EFHC1: variants seen among roughly 807,000 people sequenced by gnomAD.
EFHC1 encodes EF-hand domain containing 1, also known as EF-hand domain-containing protein 1.
Under a neutral mutation model 69.9 loss-of-function variants are expected in EFHC1, and 53 were observed. The observed-to-expected ratio is 0.76, with a 90% CI of 0.61 to 0.95. EFHC1 has a LOEUF of 0.95. EFHC1 is among the 40% of genes least tolerant of loss of function. The pLI is 0.00. For synonymous variants in EFHC1, 256 were observed against 278.4 expected, an observed-to-expected ratio of 0.92 and a Z score of 0.80; for missense variants, 739 against 798.7, an observed-to-expected ratio of 0.93 and a Z score of 0.90.
rs147712999 is a variant in EFHC1, at chr6:52,452,483, G to A, written c.574-205G>A. On this transcript the variant is annotated intron_variant, in intron 3 of 10. Coordinates refer to ENST00000371068, the MANE Select transcript of EFHC1 (RefSeq NM_018100.4). The stretch of plus-strand genomic sequence containing the variant: ...ACCAGTCTAACTTTTAAATGTTTTT[G>A]TAGAAACAGGGTCTCACTATGTTGC... Among the ~76,000 whole-genome samples the A allele has an allele frequency of 9.1e-3, 1,379 of 152,160 alleles. 12 individuals carry two copies. The highest frequency in any genetic ancestry group is 0.014 in the Non-Finnish European group (936 of 67,990).
At chr6:52,423,200 GAGGGAC>G (rs772733616) in intron 1 of EFHC1, among the ~76,000 whole-genome samples, 9 of 152,200 alleles carry the variant, frequency 5.9e-5, no homozygotes, top group Non-Finnish European at 1.3e-4. Flanking sequence ...ATTGTGACAA[GAGGGAC>G]AGGTAAAAAT....
chr6:52,446,209 G>A (rs1235144363), intron 3 of EFHC1, among the ~76,000 whole-genome samples: 1 of 152,162 alleles, frequency 6.6e-6, no homozygotes, highest in Non-Finnish European at 1.5e-5. Flanking sequence ...CTCTTTGTAT[G>A]TCACTAAGGA....
At chr6:52,449,426 T>C (rs918097204) in intron 3 of EFHC1, among the ~76,000 whole-genome samples, 1 of 152,026 alleles carries the variant, frequency 6.6e-6, no homozygotes, top group Admixed American at 6.6e-5. Context: ...GTATATCTGA[T>C]AGAATTCAGC....
intron 3 of EFHC1, among the ~76,000 whole-genome samples, chr6:52,442,931 A>G (rs1195828934): frequency 1.3e-5 from 2 of 152,196 alleles, no homozygotes; most frequent in South Asian, 2.1e-4. Flanking sequence ...AAGCATTCCT[A>G]TTTCTCCACA....
At chr6:52,442,482 T>C (rs932981752) in intron 3 of EFHC1, among the ~76,000 whole-genome samples, 3 of 151,780 alleles carry the variant, frequency 2.0e-5, no homozygotes, top group Non-Finnish European at 4.4e-5. Flanking sequence ...TATGTGATGT[T>C]CCCCACCCTG....
At chr6:52,437,811 C>A (rs1003049764) in intron 2 of EFHC1, 1 of 168,416 alleles carries the variant, frequency 5.9e-6, no homozygotes, top group East Asian at 1.7e-4. Flanking sequence ...ACCTTAATTA[C>A]CTCCTAAGGA....
chr6:52,481,063 T>C (rs1394754280), intron 9 of EFHC1, among the ~76,000 whole-genome samples: 1 of 152,154 alleles, frequency 6.6e-6, no homozygotes, highest in Non-Finnish European at 1.5e-5. Context: ...GTTAAGAGAC[T>C]ATTGCAGTAT....
chr6:52,490,502 G>A lies in EFHC1; in HGVS notation c.1851+152G>A, dbSNP rs1274031622. ...ATTCTGTCCTGATTAGGTATTGCCC[G>A]TTGATTCTAGCATTGGTATTCTTTT... On this transcript the variant is annotated intron_variant, in intron 10 of 10. Coordinates refer to ENST00000371068, the MANE Select transcript of EFHC1 (RefSeq NM_018100.4). 4.6e-5 allele frequency: 31 copies of A among 674,194 alleles called. No homozygotes were observed. In the East Asian group the frequency reaches 7.0e-4, roughly 15 times the overall value. 41.8% of individuals were successfully genotyped at this position (674,194 alleles called of 1,614,324 possible).
rs864309610 is a variant in EFHC1, at chr6:52,438,445, A to G, written c.427A>G (p.Ile143Val). ...VIEPVVENSG[I>V]LQGKLIKRQR... Reference sequence around the variant, plus strand: ...AGAGCCTGTTGTAGAAAATTCTGGAATCCTTCAAGGCAAGTTAATAAAACG... The same window carrying G: ...AGAGCCTGTTGTAGAAAATTCTGGAGTCCTTCAAGGCAAGTTAATAAAACG... The change falls in exon 3 of 11, where the codon ATC becomes GTC. Residue 143 changes from isoleucine (I) to valine (V), a missense_variant. Coordinates refer to ENST00000371068, the MANE Select transcript of EFHC1 (RefSeq NM_018100.4). The G allele has an allele frequency of 3.7e-6, 6 of 1,614,116 alleles. No homozygotes were observed. The highest frequency in any genetic ancestry group is 3.3e-4 in the Middle Eastern group (2 of 6,060).
chr6:52,466,309 C>A (rs572030253), intron 6 of EFHC1, among the ~76,000 whole-genome samples: 11 of 152,166 alleles, frequency 7.2e-5, no homozygotes, highest in African/African-American at 2.7e-4. Flanking sequence ...GGCCTCCAGT[C>A]GTACTGAGTT....
intron 5 of EFHC1, 35 bp from the exon 6 acceptor site, chr6:52,464,860 C>G (rs1299926582): frequency 6.3e-7 from 1 of 1,582,856 alleles, no homozygotes; most frequent in Non-Finnish European, 8.7e-7. Context: ...ACACTCATTC[C>G]TTCTTTTTTT....
chr6:52,471,618 C>T (rs1202943401), intron 7 of EFHC1, among the ~76,000 whole-genome samples: 1 of 152,124 alleles, frequency 6.6e-6, no homozygotes, highest in African/African-American at 2.4e-5. Flanking sequence ...GTAATCCCAA[C>T]ACTTTGGGAG....
At chr6:52,454,474 A>G (rs567420611) in intron 5 of EFHC1, among the ~76,000 whole-genome samples, 187 bp downstream of exon 5, 2 of 152,294 alleles carry the variant, frequency 1.3e-5, no homozygotes, top group Non-Finnish European at 2.9e-5. Context: ...TGCCCCCAAG[A>G]CAGTCTGGTA....
intron 5 of EFHC1, among the ~76,000 whole-genome samples, chr6:52,460,301 T>C (rs1465988058): frequency 6.6e-6 from 1 of 152,200 alleles, no homozygotes; most frequent in Non-Finnish European, 1.5e-5. Context: ...TATAATTCCA[T>C]TGGTGTAAAA....
intron 9 of EFHC1, among the ~76,000 whole-genome samples, chr6:52,489,721 T>A (rs923253487): frequency 7.2e-5 from 11 of 152,354 alleles, no homozygotes; most frequent in Admixed American, 6.5e-4. Context: ...TGGCTACAGA[T>A]CTATAGCTAT....
In EFHC1 at chr6:52,438,562, C is replaced by A. The variant is rs200191497; in HGVS notation, c.544C>A (p.Arg182Ser). The change falls in exon 3 of 11, where the codon CGC becomes AGC. Residue 182 changes from arginine (R) to serine (S), a missense_variant. Arg to Ser is a moderately radical substitution (Grantham distance 110, BLOSUM62 -1). Coordinates refer to ENST00000371068, the MANE Select transcript of EFHC1 (RefSeq NM_018100.4). ...INITIYGKTF[R>S]VVDCDQFTQV... Reference sequence around the variant, plus strand: ...CATCACAATTTATGGCAAAACTTTCCGCGTTGTTGACTGTGACCAATTCAC... The same window carrying A: ...CATCACAATTTATGGCAAAACTTTCAGCGTTGTTGACTGTGACCAATTCAC... 6.2e-7 allele frequency: 1 copy of A among 1,613,830 alleles called. No individual in the cohort carries two copies. The highest frequency in any genetic ancestry group is 1.3e-5 in the African/African-American group (1 of 74,872).
intron 5 of EFHC1, among the ~76,000 whole-genome samples, chr6:52,461,538 C>T (rs1581835959): frequency 1.3e-5 from 2 of 151,972 alleles, no homozygotes; most frequent in South Asian, 4.2e-4. Context: ...CATACACTTG[C>T]GTTTCTTTAT....
In EFHC1 at chr6:52,495,854, C is replaced by T. The variant is rs1028528521; in HGVS notation, c.*3513C>T. On this transcript the variant is annotated 3_prime_UTR_variant, in exon 11 of 11. Coordinates refer to ENST00000371068, the MANE Select transcript of EFHC1 (RefSeq NM_018100.4). The stretch of plus-strand genomic sequence containing the variant: ...TTAAGACTGAGAAGCTGAGATCTGA[C>T]AGCACCAACACAAGGTATAAAAGAG... 6.7e-5 allele frequency: 23 copies of T among 343,698 alleles called. No individual in the cohort carries two copies. Among genetic ancestry groups the T allele is most frequent in the African/African-American group, 4.9e-4 (23 of 46,716 alleles). 21.3% of individuals were successfully genotyped at this position (343,698 alleles called of 1,614,324 possible).
chr6:52,478,696 G>T (rs1238351271), intron 7 of EFHC1, among the ~76,000 whole-genome samples: 1 of 152,174 alleles, frequency 6.6e-6, no homozygotes, highest in Admixed American at 6.5e-5. Flanking sequence ...GGGCTTCATG[G>T]TGCTTTAAAA....
Sources: allele counts gnomAD v4.1 joint callset (sites outside exome capture counted in the v4.1 genomes callset), GRCh38; gene constraint gnomAD v4.1.1; transcripts MANE v1.5; gene names NCBI Gene and HGNC (gene_info 2026-07-23, HGNC 2026-07-21).